ZNF232: variants seen among roughly 807,000 people sequenced by gnomAD.
ZNF232 encodes the protein zinc finger protein 232.
A neutral mutation model predicts 25.2 loss-of-function variants in ZNF232; 25 were observed. That is an observed-to-expected ratio of 0.99 (90% CI 0.72 to 1.39). The LOEUF is 1.39. ZNF232 is among the 40% of genes most tolerant of loss of function. ZNF232 has a pLI of 0.00. For missense variants in ZNF232, 519 were observed against 520.9 expected, an observed-to-expected ratio of 1.00 and a Z score of 0.04; for synonymous variants, 193 against 182.9, an observed-to-expected ratio of 1.06 and a Z score of -0.45.
chr17:5,118,884 G>A (rs755592507), intron 1 of ZNF232, among the ~76,000 whole-genome samples: 2 of 152,206 alleles, frequency 1.3e-5, no homozygotes. Context: ...CAGGATGAGG[G>A]TGGGGCAGCC....
At chr17:5,106,918 CTG>C (rs984660252) in intron 3 of ZNF232, among the ~76,000 whole-genome samples, 2 of 152,060 alleles carry the variant, frequency 1.3e-5, no homozygotes, top group East Asian at 1.9e-4. Flanking sequence ...GCAAAAAAAA[CTG>C]TGCCCTTCCT....
intron 1 of ZNF232, among the ~76,000 whole-genome samples, chr17:5,120,266 GGTGGTGGGGGCAAGGCA>G (rs1418533150): frequency 6.6e-6 from 1 of 152,112 alleles, no homozygotes; most frequent in Non-Finnish European, 1.5e-5. Context: ...CTGTGGGGTT[GGTGGTGGGGGCAAGGCA>G]GTGGTGGGGG....
upstream of ZNF232, among the ~76,000 whole-genome samples, chr17:5,115,391 A>T (rs2072506370): frequency 6.6e-6 from 1 of 151,994 alleles, no homozygotes; most frequent in Non-Finnish European, 1.5e-5. Flanking sequence ...CTCTCTACTA[A>T]AAATACAAAA....
At chr17:5,109,694 C>A in exon 2 of ZNF232, 1 of 1,614,168 alleles carries the variant, frequency 6.2e-7, no homozygotes, top group Non-Finnish European at 8.5e-7. Context: ...TCCCAGGTAG[C>A]CTGGTCTCAT....
intron 1 of ZNF232, chr17:5,111,197 A>G (rs2072399533): frequency 6.6e-6 from 1 of 152,430 alleles, no homozygotes; most frequent in African/African-American, 2.4e-5. Flanking sequence ...ACCTGGGGGC[A>G]TATGTTGCTT....
exon 4 of ZNF232, chr17:5,105,786 G>T (rs779832975): frequency 1.3e-6 from 2 of 1,505,554 alleles, no homozygotes; most frequent in South Asian, 1.4e-5. Context: ...AGATTAGACC[G>T]ATGTAGAATT....
At chr17:5,113,178 C>T (rs542778929), upstream of ZNF232, among the ~76,000 whole-genome samples, 15 of 152,308 alleles carry the variant, frequency 9.8e-5, no homozygotes, top group African/African-American at 2.9e-4. Flanking sequence ...CATTGACACC[C>T]CCATGGCTGG....
At position 5,109,377 on chromosome 17, in the gene ZNF232, C is replaced by G. The variant is rs2143597628; in HGVS notation, c.498+17G>C. ...CATCAATCTGGCTCCCATAACAGAC[C>G]AAATCCCCCTTCCCACCTGCGGCTC... On this transcript the variant is annotated intron_variant, in intron 2 of 3. Transcript: ENST00000575898. 6.2e-7 allele frequency: 1 copy of G among 1,614,012 alleles called. No homozygotes were observed. Among genetic ancestry groups the G allele is most frequent in the South Asian group, 1.1e-5 (1 of 91,064 alleles).
intron 1 of ZNF232, among the ~76,000 whole-genome samples, chr17:5,122,525 TC>T (rs1276946870): frequency 2.0e-5 from 3 of 152,192 alleles, no homozygotes; most frequent in Non-Finnish European, 2.9e-5. Flanking sequence ...TCCTCTTAGT[TC>T]CTTGGCCCGC....
Position 5,105,960 on chromosome 17 carries a change from G to T in ZNF232, c.1172C>A (p.Ser391Ter). The stretch of plus-strand genomic sequence containing the variant: ...AATTCTCCGATGCTGACTTAGATAT[G>T]AGCTTTGACTAAAGGCCTTCCCACA... Residue 391 changes from serine to a stop codon, truncating the protein, a stop_gained, in exon 4 of 4, where the codon TCA becomes TAA. Transcript: ENST00000575898. LOFTEE classifies it low-confidence loss of function (END_TRUNC). The T allele has an allele frequency of 6.2e-7, 1 of 1,614,156 alleles. No individual in the cohort carries two copies. The highest frequency in any genetic ancestry group is 8.5e-7 in the Non-Finnish European group (1 of 1,180,028).
upstream of ZNF232, chr17:5,111,931 C>T (rs141582736): frequency 0.012 from 17,639 of 1,477,822 alleles, 146 homozygotes; most frequent in Middle Eastern, 0.018. Flanking sequence ...TCCTCGCCGC[C>T]GGCTTCCGTT....
chr17:5,111,821 A>T (rs753904733), exon 1 of ZNF232: 1 of 1,613,842 alleles, frequency 6.2e-7, no homozygotes, highest in South Asian at 1.1e-5. Flanking sequence ...AGGAGGTTCC[A>T]TCGGGGCGCT....
intron 3 of ZNF232, among the ~76,000 whole-genome samples, chr17:5,107,232 C>T (rs1258606942): frequency 6.6e-6 from 1 of 151,342 alleles, no homozygotes; most frequent in Admixed American, 6.6e-5. Context: ...ACTAAAAATA[C>T]AGAAAATTAG....
At chr17:5,115,233 G>A (rs2072501701), upstream of ZNF232, among the ~76,000 whole-genome samples, 1 of 152,062 alleles carries the variant, frequency 6.6e-6, no homozygotes, top group South Asian at 2.1e-4. Context: ...GTGAGCCTCT[G>A]ACTTTTAATT....
intron 3 of ZNF232, among the ~76,000 whole-genome samples, chr17:5,108,303 G>GC (rs1814663736): frequency 6.6e-6 from 1 of 152,144 alleles, no homozygotes; most frequent in Non-Finnish European, 1.5e-5. Flanking sequence ...TCTAGTGTTC[G>GC]CCGCTGGGAG....
intron 1 of ZNF232, chr17:5,111,426 G>T (rs1283451575): frequency 3.0e-6 from 1 of 336,594 alleles, no homozygotes; most frequent in South Asian, 5.9e-5. Context: ...GGAAAAACGC[G>T]GAGCTCGCGT....
At chr17:5,115,576 A>ACACACACAC (rs1555584331), upstream of ZNF232, among the ~76,000 whole-genome samples, 1 of 150,736 alleles carries the variant, frequency 6.6e-6, no homozygotes, top group South Asian at 2.1e-4. Flanking sequence ...ACACACACAC[A>ACACACACAC]AAACCCAAAA....
rs190673193 is a variant in ZNF232, at chr17:5,105,788, T to C, written c.*36A>G. The C allele has an allele frequency of 9.0e-3, 13,585 of 1,508,884 alleles. 89 individuals are homozygous for C. The highest frequency in any genetic ancestry group is 0.01 in the Non-Finnish European group (11,373 of 1,122,774). 93.5% of individuals were successfully genotyped at this position (1,508,884 alleles called of 1,614,324 possible). A position where few individuals can be genotyped will look rare whatever the true frequency, so the allele number is the denominator to read the frequency against. On this transcript the variant is annotated 3_prime_UTR_variant, in exon 4 of 4. Transcript: ENST00000575898. The stretch of plus-strand genomic sequence containing the variant: ...CCAGTCCTAAAGTAGATTAGACCGA[T>C]GTAGAATTCTGTCTGGAGACGTTCT...
In ZNF232 at chr17:5,118,030, C is replaced by T. The variant is rs1367023407; in HGVS notation, c.-530+4947G>A. ...ATTGAAGTGGGCCGAGATCATGCCA[C>T]TGCACTCTAGCCTGGGCAACAGAGT... On this transcript the variant is annotated intron_variant, in intron 1 of 4. Coordinates refer to the ZNF232 transcript ENST00000250076. Among the ~76,000 whole-genome samples, 9 of 150,492 alleles carry T rather than the reference C, an allele frequency of 6.0e-5. 1 individual carries two copies. The highest frequency in any genetic ancestry group is 6.0e-4 in the Admixed American group (9 of 15,120).
Sources: allele counts gnomAD v4.1 joint callset (sites outside exome capture counted in the v4.1 genomes callset), GRCh38; gene constraint gnomAD v4.1.1; transcripts MANE v1.5; gene names NCBI Gene and HGNC (gene_info 2026-07-23, HGNC 2026-07-21).